Variants in PPL observed in about 807,000 individuals in gnomAD.
PPL encodes 190 kDa paraneoplastic pemphigus antigen.
PPL carries 198 observed loss-of-function variants against 194.4 expected under a neutral mutation model. That is an observed-to-expected ratio of 1.02 (90% confidence interval 0.91 to 1.15). The LOEUF is 1.15. Ranked by LOEUF, PPL falls within the 50% of genes most tolerant of loss-of-function variation. PPL has a pLI of 0.00. For missense variants in PPL, 2,885 were observed against 2,294.8 expected (o/e 1.26, Z -5.25); for synonymous variants, 1,220 against 972.4 (o/e 1.25, Z -4.74).
chr16:4,884,717 G>A lies in PPL; in HGVS notation c.3938C>T (p.Ala1313Val). ...TTTCTTCTGCTCCTCTGAGAGCTTTGCCCTCAGAGACGCCACCTCCTCCTT... is the reference window on the plus strand; with the variant it reads ...TTTCTTCTGCTCCTCTGAGAGCTTTACCCTCAGAGACGCCACCTCCTCCTT... ...QTKEEVASLR[A>V]KLSEEQKKQV... Residue 1313 changes from alanine to valine, a missense_variant, in exon 22 of 22, where the codon GCA becomes GTA. By Grantham distance (64) the Ala-to-Val change is moderately conservative. Coordinates refer to ENST00000345988, the MANE Select transcript of PPL (RefSeq NM_002705.5). This position sits in a 1 kb window ranked among gnomAD's most constrained non-coding sequence, Gnocchi z 5.7. 1 of 1,614,060 alleles carries A rather than the reference G, an allele frequency of 6.2e-7. No homozygotes were observed. Among genetic ancestry groups the A allele is most frequent in the Non-Finnish European group, 8.5e-7 (1 of 1,180,018 alleles).
Position 4,896,639 on chromosome 16 carries a change from G to GTTTT in PPL, c.973-927_973-924dup, listed in dbSNP as rs1387761941. ...CTTACTGCCTAATGAGTACGGGGTT[G>GTTTT]TTTTTTTTTTTTTTTTTTGAGGCGG... is the stretch of plus-strand genomic sequence containing the variant. On this transcript the variant is annotated intron_variant, in intron 9 of 21. Coordinates refer to ENST00000345988, the MANE Select transcript of PPL (RefSeq NM_002705.5). Among the ~76,000 whole-genome samples the GTTTT allele has an allele frequency of 4.1e-4, 53 of 129,696 alleles. 2 individuals carry two copies. The highest frequency in any genetic ancestry group is 1.5e-3 in the African/African-American group (51 of 34,740). 85.1% of individuals were successfully genotyped at this position (129,696 alleles called of 152,430 possible).
intron 9 of PPL, among the ~76,000 whole-genome samples, chr16:4,896,624 A>C (rs2088434458): frequency 6.6e-6 from 1 of 151,248 alleles, no homozygotes; most frequent in African/African-American, 2.4e-5. Flanking sequence ...CTTACTGCCT[A>C]ATGAGTACGG....
chr16:4,925,307 G>A (rs1357702137), intron 1 of PPL, among the ~76,000 whole-genome samples: 2 of 152,162 alleles, frequency 1.3e-5, no homozygotes, highest in Non-Finnish European at 2.9e-5. Context: ...TTTAAACACT[G>A]CCTGGCTCCT....
At chr16:4,909,077 G>A (rs372028938) in intron 2 of PPL, among the ~76,000 whole-genome samples, 1 of 152,164 alleles carries the variant, frequency 6.6e-6, no homozygotes. Context: ...AGGCCAGGGA[G>A]GCAGGAGGTG....
At chr16:4,901,249 TTC>T (rs2088563173) in intron 4 of PPL, among the ~76,000 whole-genome samples, 160 bp from the exon 5 acceptor site, 1 of 152,206 alleles carries the variant, frequency 6.6e-6, no homozygotes, top group Non-Finnish European at 1.5e-5. Context: ...AACCCTGAGG[TTC>T]TGTTTGCTGA....
intron 1 of PPL, among the ~76,000 whole-genome samples, chr16:4,926,565 C>T (rs775618905): frequency 6.6e-6 from 1 of 152,160 alleles, no homozygotes; most frequent in Non-Finnish European, 1.5e-5. Context: ...TAAGGAAAAA[C>T]ACCCCAATGG....
In PPL at chr16:4,885,588, G is replaced by T; in HGVS notation, c.3067C>A (p.Gln1023Lys). ...LREELEALRR[Q>K]KGAREAEVLL... ...ACCTCTGCCTCCCGGGCGCCCTTCT[G>T]CCGCCTCAGTGCCTCCAGCTCCTCC... The change falls in exon 22 of 22, where the codon CAG becomes AAG. Residue 1023 changes from glutamine to lysine, a missense_variant. Physicochemically the swap from Gln to Lys is moderately conservative, Grantham distance 53 (BLOSUM62 1). Coordinates refer to ENST00000345988, the MANE Select transcript of PPL (RefSeq NM_002705.5). The surrounding 1 kb of genome is among the most constrained non-coding windows in gnomAD (Gnocchi z 6.3). The T allele has an allele frequency of 6.2e-7, 1 of 1,612,020 alleles. No individual in the cohort carries two copies. Among genetic ancestry groups the T allele is most frequent in the South Asian group, 1.1e-5 (1 of 91,078 alleles).
In PPL at chr16:4,901,819, A is replaced by T. The variant is rs563087582; in HGVS notation, c.438+587T>A. Among the ~76,000 whole-genome samples the T allele has an allele frequency of 2.1e-3, 312 of 151,334 alleles. 1 individual carries two copies. Among genetic ancestry groups the T allele is most frequent in the Non-Finnish European group, 3.9e-3 (268 of 67,880 alleles). On this transcript the variant is annotated intron_variant, in intron 4 of 21. Transcript: ENST00000345988. ...GCCAGGTATGATGGCGTGCACCTGT[A>T]ATTCCAGCTACTTGGGAGGCTGAGG...
At chr16:4,895,550 T>C (rs1258019180) in intron 10 of PPL, 44 bp downstream of exon 10, 4 of 1,611,640 alleles carry the variant, frequency 2.5e-6, no homozygotes, top group Admixed American at 1.7e-5. Context: ...TGTAGAGGGG[T>C]CCCCCGCCCC....
At chr16:4,900,682 C>T (rs1469702193) in intron 6 of PPL, 148 bp downstream of exon 6, 30 of 1,078,126 alleles carry the variant, frequency 2.8e-5, no homozygotes, top group Non-Finnish European at 4.0e-5. Context: ...AAGTGATCCT[C>T]CTGCCTCTGC....
intron 1 of PPL, among the ~76,000 whole-genome samples, chr16:4,928,552 G>GC (rs2089188221): frequency 1.3e-5 from 2 of 152,224 alleles, no homozygotes; most frequent in African/African-American, 4.8e-5. Context: ...ATTTTTTGCT[G>GC]CCCCCACTGC....
chr16:4,895,143 T>C, intron 11 of PPL, 118 bp downstream of exon 11: 1 of 1,273,208 alleles, frequency 7.9e-7, no homozygotes, highest in Non-Finnish European at 1.0e-6. Context: ...GTTGGCAGAG[T>C]GACACCAACC....
At chr16:4,919,432 T>C (rs1337672504) in intron 1 of PPL, among the ~76,000 whole-genome samples, 2 of 152,216 alleles carry the variant, frequency 1.3e-5, no homozygotes, top group Non-Finnish European at 2.9e-5. Context: ...TTATATTTTC[T>C]TCAAATTTTT....
chr16:4,921,047 T>C (rs1480692491), intron 1 of PPL, among the ~76,000 whole-genome samples: 1 of 152,204 alleles, frequency 6.6e-6, no homozygotes, highest in African/African-American at 2.4e-5. Flanking sequence ...TAGATGGGTT[T>C]TGCAAGCCTC....
At chr16:4,895,128 G>C in intron 11 of PPL, 133 bp downstream of exon 11, 4 of 1,181,354 alleles carry the variant, frequency 3.4e-6, no homozygotes, top group Non-Finnish European at 4.6e-6. Context: ...TGCACCAGGG[G>C]AAGGGTTGGC....
At position 4,885,207 on chromosome 16, in the gene PPL, C is replaced by T. The variant is rs778730439; in HGVS notation, c.3448G>A (p.Glu1150Lys). ...EAAKARASQREKTELLRKIWA... is the reference protein window; with the variant it reads ...EAAKARASQRKKTELLRKIWA... ...ATCTTTCGGAGCAGCTCCGTCTTCT[C>T]CCTCTGGCTAGCGCGAGCCTTGGCA... is the stretch of plus-strand genomic sequence containing the variant. The change falls in exon 22 of 22, where the codon GAG becomes AAG. Residue 1150 changes from glutamate (E) to lysine (K), a missense_variant. By Grantham distance (56) the Glu-to-Lys change is moderately conservative. Coordinates refer to ENST00000345988, the MANE Select transcript of PPL (RefSeq NM_002705.5). This position sits in a 1 kb window ranked among gnomAD's most constrained non-coding sequence, Gnocchi z 6.3. The T allele has an allele frequency of 1.9e-6, 3 of 1,614,086 alleles. No homozygotes were observed. Among genetic ancestry groups the T allele is most frequent in the Admixed American group, 3.3e-5 (2 of 60,022 alleles).
In PPL at chr16:4,888,996, C is replaced by T; in HGVS notation, c.2379G>A (p.Gln793=). ...GGCTCACCTTTACAGCTTGCTGGTA[C>T]TGCTGGGAATTGGCACAGATCTTCT... ...EVQKICANSQ[Q]YQQAVKDYEL... Residue 793 remains glutamine (Q), a synonymous_variant, in exon 19 of 22, where the codon CAG becomes CAA. Transcript: ENST00000345988. The T allele has an allele frequency of 6.2e-7, 1 of 1,613,520 alleles. No homozygotes were observed. Among genetic ancestry groups the T allele is most frequent in the South Asian group, 1.1e-5 (1 of 91,054 alleles).
intron 21 of PPL, among the ~76,000 whole-genome samples, chr16:4,886,706 C>T (rs2088225641): frequency 6.6e-6 from 1 of 152,232 alleles, no homozygotes; most frequent in African/African-American, 2.4e-5. Flanking sequence ...GCAACCTCCA[C>T]CTCCTGGGTT....
chr16:4,936,105 A>C (rs2089294597), intron 1 of PPL, among the ~76,000 whole-genome samples: 2 of 152,146 alleles, frequency 1.3e-5, no homozygotes. Context: ...TAGGCTTATC[A>C]AAAGGGACGT....
Sources: gnomAD v4.1 joint callset for allele counts (sites outside exome capture counted in the v4.1 genomes callset) on GRCh38, gnomAD v4.1.1 for gene constraint, Gnocchi (gnomAD v3.1) non-coding constraint, MANE v1.5 for transcripts, NCBI Gene and HGNC (gene_info 2026-07-23, HGNC 2026-07-21) for gene names.